The following MED30 variants were observed in gnomAD, a reference collection of about 807,000 sequenced individuals.
MED30 encodes the protein mediator of RNA polymerase II transcription subunit 30.
In MED30, 8 loss-of-function variants were observed where a neutral mutation model predicts 21.7. The observed-to-expected ratio is 0.37, with a 90% CI of 0.22 to 0.67. MED30 has a LOEUF of 0.67. Ranked by LOEUF, MED30 falls within the 30% of genes least tolerant of loss-of-function variation. The pLI is 0.58. For synonymous variants in MED30, 79 were observed against 86.7 expected (o/e 0.91, Z 0.49); for missense variants, 203 against 228.2 (o/e 0.89, Z 0.71).
At position 117,520,841 on chromosome 8, in the gene MED30, G is replaced by A; in HGVS notation, c.-36G>A. On this transcript the variant is annotated 5_prime_UTR_variant, in exon 1 of 4. Coordinates refer to ENST00000297347, the MANE Select transcript of MED30 (RefSeq NM_080651.4). ...TCCGGGCAGACCCCTGACACCTGCT[G>A]TCTGGCCCCTTCCGGCCTGAAGCTG... is the stretch of plus-strand genomic sequence containing the variant. 1 of 1,538,044 alleles carries A rather than the reference G, an allele frequency of 6.5e-7. No homozygotes were observed. The highest frequency in any genetic ancestry group is 8.8e-7 in the Non-Finnish European group (1 of 1,142,060).
intron 1 of MED30, among the ~76,000 whole-genome samples, chr8:117,526,620 A>G (rs1240129122): frequency 1.3e-5 from 2 of 151,974 alleles, no homozygotes; most frequent in Non-Finnish European, 2.9e-5. Flanking sequence ...GAACAGCTAC[A>G]CCGTGGTATA....
intron 3 of MED30, among the ~76,000 whole-genome samples, chr8:117,534,980 T>C (rs538489118): frequency 6.6e-6 from 1 of 151,560 alleles, no homozygotes; most frequent in East Asian, 1.9e-4. Context: ...GCTACTGACA[T>C]AGAGTTTTGT....
At chr8:117,522,236 T>C (rs1435212112) in intron 1 of MED30, among the ~76,000 whole-genome samples, 1 of 152,252 alleles carries the variant, frequency 6.6e-6, no homozygotes, top group Non-Finnish European at 1.5e-5. Flanking sequence ...TTTGCTGTCA[T>C]ACCTAAGAAA....
At chr8:117,523,210 G>GTTTT in intron 1 of MED30, 9 of 628,362 alleles carry the variant, frequency 1.4e-5, no homozygotes, top group East Asian at 3.2e-5. Flanking sequence ...TTTTTTTTAA[G>GTTTT]TTTTTTTTTT....
chr8:117,534,847 A>ATTTTTT (rs375406295), intron 3 of MED30, among the ~76,000 whole-genome samples: 1,593 of 60,454 alleles, frequency 0.026, 30 homozygotes, highest in African/African-American at 0.088. Context: ...AGGCAAACAA[A>ATTTTTT]TTGTTTTTTT....
At chr8:117,526,867 A>G (rs1233328362) in intron 1 of MED30, among the ~76,000 whole-genome samples, 2 of 152,008 alleles carry the variant, frequency 1.3e-5, no homozygotes, top group Non-Finnish European at 2.9e-5. Context: ...GCATTTCAAA[A>G]GGATTTTTGT....
intron 1 of MED30, among the ~76,000 whole-genome samples, chr8:117,526,658 G>T (rs145738713): frequency 1.3e-5 from 2 of 152,014 alleles, no homozygotes; most frequent in East Asian, 3.9e-4. Flanking sequence ...CATTTTTACC[G>T]TGTATACTCT....
At chr8:117,538,131 C>T (rs149384450) in intron 3 of MED30, among the ~76,000 whole-genome samples, 369 of 152,274 alleles carry the variant, frequency 2.4e-3, no homozygotes, top group Non-Finnish European at 4.3e-3. Context: ...TATACAACCA[C>T]TTAAATAACA....
At position 117,524,526 on chromosome 8, in the gene MED30, C is replaced by G. The variant is rs183866828; in HGVS notation, c.177+3473C>G. On this transcript the variant is annotated intron_variant, in intron 1 of 3. Coordinates refer to ENST00000297347, the MANE Select transcript of MED30 (RefSeq NM_080651.4). ...GGTTAAAGGAAGATTTAGGGATACT[C>G]CCCAAGTATCCTTAAATCTCAGATT... 5.0e-3 allele frequency among the ~76,000 whole-genome samples: 764 copies of G among 152,282 alleles called. 6 individuals are homozygous for G. The highest frequency in any genetic ancestry group is 0.017 in the African/African-American group (708 of 41,558).
chr8:117,521,685 C>T (rs117996845), intron 1 of MED30, among the ~76,000 whole-genome samples: 2,053 of 151,978 alleles, frequency 0.014, 34 homozygotes, highest in Non-Finnish European at 0.018. Context: ...TTTATATAAA[C>T]GGAGTCTACA....
At chr8:117,535,910 G>C (rs1166105848) in intron 3 of MED30, among the ~76,000 whole-genome samples, 1 of 151,648 alleles carries the variant, frequency 6.6e-6, no homozygotes, top group Non-Finnish European at 1.5e-5. Flanking sequence ...ATTATTAAAT[G>C]TCTTTTTTTT....
intron 3 of MED30, among the ~76,000 whole-genome samples, chr8:117,538,415 T>C (rs1296677073): frequency 6.6e-6 from 1 of 152,170 alleles, no homozygotes; most frequent in African/African-American, 2.4e-5. Flanking sequence ...TCTTGGTCTT[T>C]CCTTTTAGCC....
At chr8:117,527,774 A>G (rs1050534633) in intron 1 of MED30, among the ~76,000 whole-genome samples, 5 of 151,718 alleles carry the variant, frequency 3.3e-5, no homozygotes, top group African/African-American at 9.7e-5. Context: ...CCCGAATACT[A>G]GAAAACGTGG....
chr8:117,536,059 A>T (rs2130818597), intron 3 of MED30, among the ~76,000 whole-genome samples: 1 of 152,198 alleles, frequency 6.6e-6, no homozygotes, highest in African/African-American at 2.4e-5. Flanking sequence ...TTTTCTTCAA[A>T]CATGAAAATA....
chr8:117,520,905 G>A lies in MED30; in HGVS notation c.29G>A (p.Gly10Glu), dbSNP rs200864519. Residue 10 changes from glycine (G) to glutamate (E), a missense_variant, in exon 1 of 4, where the codon GGG becomes GAG. Physicochemically the swap from Gly to Glu is moderately conservative, Grantham distance 98. Coordinates refer to ENST00000297347, the MANE Select transcript of MED30 (RefSeq NM_080651.4). ...TCCACCCCTCCGTTGGCCGCGTCGG[G>A]GATGGCGCCCGGGCCCTTCGCCGGG... MSTPPLAAS[G>E]MAPGPFAGPQ... 1 of 1,607,584 alleles carries A rather than the reference G, an allele frequency of 6.2e-7. No individual in the cohort carries two copies. Among genetic ancestry groups the A allele is most frequent in the Non-Finnish European group, 8.5e-7 (1 of 1,177,412 alleles).
At chr8:117,530,659 T>C (rs1818780338) in intron 2 of MED30, 64 bp from the exon 3 acceptor site, 3 of 1,149,628 alleles carry the variant, frequency 2.6e-6, no homozygotes, top group Non-Finnish European at 3.8e-6. Context: ...ATATATTCTC[T>C]ATACAAGTGA....
intron 3 of MED30, among the ~76,000 whole-genome samples, chr8:117,535,461 C>T (rs1389486376): frequency 6.6e-6 from 1 of 151,760 alleles, no homozygotes; most frequent in Non-Finnish European, 1.5e-5. Flanking sequence ...AAACTCCTGA[C>T]GTCGTGATCA....
chr8:117,522,181 T>C (rs1021675351), intron 1 of MED30, among the ~76,000 whole-genome samples: 6 of 152,210 alleles, frequency 3.9e-5, no homozygotes, highest in African/African-American at 1.4e-4. Flanking sequence ...ATTTTAAATT[T>C]TGATGGAATC....
rs1309627858 is a variant in MED30 at position 117,528,798 on chromosome 8, A to C, written c.325A>C (p.Ile109Leu). ...TGAAAACTGTGGTGGGATGGATCCCATTCCAGTCGAGGTAATTTTTTGTGA... is the reference window on the plus strand; with the variant it reads ...TGAAAACTGTGGTGGGATGGATCCCCTTCCAGTCGAGGTAATTTTTTGTGA... ...CNENCGGMDP[I>L]PVEQLIPYVE... Residue 109 changes from isoleucine (I) to leucine (L), a missense_variant, in exon 2 of 4, where the codon ATT (isoleucine) becomes CTT (leucine). Coordinates refer to ENST00000297347, the MANE Select transcript of MED30 (RefSeq NM_080651.4). 11 of 1,599,180 alleles carry C rather than the reference A, an allele frequency of 6.9e-6. No individual in the cohort carries two copies. The highest frequency in any genetic ancestry group is 8.5e-6 in the Non-Finnish European group (10 of 1,174,166).
Sources: allele counts gnomAD v4.1 joint callset (sites outside exome capture counted in the v4.1 genomes callset), GRCh38; gene constraint gnomAD v4.1.1; transcripts MANE v1.5; gene names NCBI Gene and HGNC (gene_info 2026-07-23, HGNC 2026-07-21).